Variants in FRMPD3 observed in about 807,000 individuals in gnomAD.
FRMPD3 encodes FERM and PDZ domain containing 3, also known as FERM and PDZ domain-containing protein 3.
Under a neutral mutation model 97.9 loss-of-function variants are expected in FRMPD3, and 42 were observed. The observed-to-expected ratio is 0.43, with a 90% CI of 0.34 to 0.55. FRMPD3 has a LOEUF of 0.55. Among genes scored for constraint, FRMPD3 ranks in the 20% least tolerant of loss-of-function variants. The pLI is 0.03. For synonymous variants in FRMPD3, 577 were observed against 581.1 expected (o/e 0.99, Z 0.10); for missense variants, 1,303 against 1,457.7 (o/e 0.89, Z 1.73).
Position 107,600,859 on chromosome X carries a change from C to T in FRMPD3, c.2820C>T (p.Ser940=). 1.7e-6 allele frequency: 2 copies of T among 1,209,665 alleles called. No homozygotes were observed. Among genetic ancestry groups the T allele is most frequent in the Non-Finnish European group, 2.2e-6 (2 of 894,872 alleles). ...RDNLPKEVRL[S]PKLILDPKSS... ...ACCTGCCCAAGGAGGTCAGGTTGAG[C>T]CCCAAGCTTATCCTCGACCCAAAGA... The change falls in exon 15 of 15, where the codon AGC becomes AGT. Residue 940 remains serine, a synonymous_variant. Transcript: ENST00000683843.
chrX:107,558,751 T>C (rs1312561819), intron 8 of FRMPD3, among the ~76,000 whole-genome samples: 4 of 111,782 alleles, frequency 3.6e-5, no homozygotes, highest in Non-Finnish European at 7.5e-5. Flanking sequence ...TGCCATGATC[T>C]CGGCTCACTG....
chrX:107,515,354 A>G (rs939881696), intron 1 of FRMPD3, among the ~76,000 whole-genome samples: 1 of 111,424 alleles, frequency 9.0e-6, no homozygotes, highest in African/African-American at 3.3e-5. Context: ...AAGCCAGGAG[A>G]GGAGAATGTT....
chrX:107,597,532 C>G lies in FRMPD3; in HGVS notation c.1653C>G (p.Ile551Met). ...GGACAGATGTCAACGAGAACCTAAT[C>G]TTCTTTGAGGAGACCAGGCCCCGAA... Reference protein sequence around the residue: ...ESRTDVNENLIFFEETRPRTK... With the variant: ...ESRTDVNENLMFFEETRPRTK... Residue 551 changes from isoleucine (I) to methionine (M), a missense_variant, in exon 14 of 15, where the codon ATC (isoleucine) becomes ATG (methionine). Physicochemically the swap from Ile to Met is conservative, Grantham distance 10 (BLOSUM62 1). This residue lies in a region of FRMPD3 where 535 missense variants were observed against 618.6 expected (regional missense o/e 0.86). Coordinates refer to ENST00000683843, the MANE Select transcript of FRMPD3 (RefSeq NM_001388459.1). The G allele has an allele frequency of 8.3e-7, 1 of 1,210,657 alleles. No individual in the cohort carries two copies. Among genetic ancestry groups the G allele is most frequent in the Non-Finnish European group, 1.1e-6 (1 of 895,323 alleles).
intron 1 of FRMPD3, among the ~76,000 whole-genome samples, chrX:107,483,629 C>A (rs1366287054): frequency 8.9e-6 from 1 of 111,774 alleles, no homozygotes; most frequent in Non-Finnish European, 1.9e-5. Context: ...GCTCAGCCAC[C>A]ACATCTTGGA....
intron 12 of FRMPD3, among the ~76,000 whole-genome samples, chrX:107,572,902 C>T (rs1436763985): frequency 9.8e-6 from 1 of 102,535 alleles, no homozygotes; most frequent in Non-Finnish European, 2.0e-5. Flanking sequence ...ACTACTACTA[C>T]TACTACTAAT....
chrX:107,574,295 A>T (rs1055090177), intron 12 of FRMPD3, among the ~76,000 whole-genome samples: 5 of 111,106 alleles, frequency 4.5e-5, no homozygotes, highest in African/African-American at 1.6e-4. Context: ...AAAAAAGGCA[A>T]AAAAGAAGTT....
Position 107,455,847 on chromosome X carries a change from A to C in FRMPD3, c.-8+5842A>C, listed in dbSNP as rs773921983. The stretch of plus-strand genomic sequence containing the variant: ...GAGGCTTCCTGTCCTTCTCCTTCTC[A>C]GTCATCTTTGAATTTACAGTGCCTA... On this transcript the variant is annotated intron_variant, in intron 1 of 14. Transcript: ENST00000683843. 4.5e-5 allele frequency among the ~76,000 whole-genome samples: 5 copies of C among 111,859 alleles called. No individual in the cohort carries two copies. In the South Asian group the frequency reaches 1.9e-3, roughly 42 times the overall value.
At chrX:107,489,297 C>T (rs1239302434) in intron 1 of FRMPD3, among the ~76,000 whole-genome samples, 2 of 110,569 alleles carry the variant, frequency 1.8e-5, no homozygotes, top group African/African-American at 3.3e-5. Flanking sequence ...AATAAACATA[C>T]GTGTGCATGT....
chrX:107,551,306 T>C, intron 6 of FRMPD3, among the ~76,000 whole-genome samples: 1 of 110,959 alleles, frequency 9.0e-6, no homozygotes, highest in South Asian at 3.9e-4. Context: ...CTTTTGGCTA[T>C]TGAAGGGGGC....
intron 1 of FRMPD3, among the ~76,000 whole-genome samples, chrX:107,512,702 C>T (rs1487307322): frequency 8.9e-6 from 1 of 111,830 alleles, no homozygotes; most frequent in Non-Finnish European, 1.9e-5. Flanking sequence ...AGGGTGGGGG[C>T]TGGGGTGCCC....
intron 13 of FRMPD3, among the ~76,000 whole-genome samples, chrX:107,584,435 C>T (rs1004267661): frequency 8.9e-6 from 1 of 111,829 alleles, no homozygotes; most frequent in Non-Finnish European, 1.9e-5. Context: ...TGTGCAGAAG[C>T]TCTTTAGTTT....
intron 13 of FRMPD3, among the ~76,000 whole-genome samples, chrX:107,590,069 C>T (rs929092161): frequency 8.9e-6 from 1 of 112,284 alleles, no homozygotes; most frequent in Non-Finnish European, 1.9e-5. Context: ...GCAGGGGAAT[C>T]GCTTGAACCA....
chrX:107,490,241 C>T (rs1254454930), intron 1 of FRMPD3, among the ~76,000 whole-genome samples: 1 of 112,022 alleles, frequency 8.9e-6, no homozygotes, highest in Non-Finnish European at 1.9e-5. Context: ...GTTACTGTAG[C>T]CTTGTAGTAT....
intron 3 of FRMPD3, among the ~76,000 whole-genome samples, chrX:107,531,038 T>C (rs1048523563): frequency 3.6e-5 from 4 of 109,662 alleles, no homozygotes; most frequent in Non-Finnish European, 7.6e-5. Context: ...AAAAGGAACA[T>C]TGTGGGATTA....
intron 1 of FRMPD3, among the ~76,000 whole-genome samples, chrX:107,505,047 A>G (rs1921998729): frequency 8.9e-6 from 1 of 112,425 alleles, no homozygotes; most frequent in South Asian, 3.7e-4. Context: ...GAGTGATTCA[A>G]GGAAGATGGA....
intron 1 of FRMPD3, among the ~76,000 whole-genome samples, chrX:107,521,677 GATCTCT>G (rs1317057417): frequency 3.6e-5 from 4 of 112,046 alleles, no homozygotes; most frequent in African/African-American, 6.5e-5. Context: ...TGCCATGCTG[GATCTCT>G]AGAGCTTCCA....
chrX:107,487,740 A>G (rs902905651), intron 1 of FRMPD3, among the ~76,000 whole-genome samples: 24 of 111,837 alleles, frequency 2.1e-4, no homozygotes, highest in Non-Finnish European at 2.3e-4. Context: ...CAGGTTTTAA[A>G]TGCTTCCTGA....
chrX:107,481,553 G>A lies in FRMPD3; in HGVS notation c.-8+31548G>A, dbSNP rs754092498. On this transcript the variant is annotated intron_variant, in intron 1 of 14. Transcript: ENST00000683843. ...TGGTGTCTACATTAATCACCATAAA[G>A]GATAAATGCCACAAAGAAAATGAAG... Among the ~76,000 whole-genome samples the A allele has an allele frequency of 3.6e-5, 4 of 111,713 alleles. No individual in the cohort carries two copies. In the South Asian group the frequency reaches 1.5e-3, roughly 43 times the overall value.
At chrX:107,556,708 T>C (rs1054566758) in intron 8 of FRMPD3, among the ~76,000 whole-genome samples, 2 of 112,297 alleles carry the variant, frequency 1.8e-5, no homozygotes, top group East Asian at 5.6e-4. Context: ...AGAAATGAGA[T>C]CATATGGTAT....
Sources: allele counts gnomAD v4.1 joint callset (sites outside exome capture counted in the v4.1 genomes callset), GRCh38; gene constraint gnomAD v4.1.1; regional missense constraint gnomAD v4.1.1; transcripts MANE v1.5; gene names NCBI Gene and HGNC (gene_info 2026-07-23, HGNC 2026-07-21).